Variants in ZNF609 observed in about 807,000 individuals in gnomAD.
The protein encoded by ZNF609 is zinc finger protein 609.
In ZNF609, 11 loss-of-function variants were observed where a neutral mutation model predicts 109.5. The ratio of observed to expected loss-of-function variants is 0.10; its 90% CI spans 0.06 to 0.17. ZNF609 has a LOEUF of 0.17. Ranked by LOEUF, ZNF609 falls within the 10% of genes least tolerant of loss-of-function variation. The probability of loss-of-function intolerance (pLI) is 1.00; values close to 1 mark genes in which losing one functional copy is unlikely to be tolerated. For synonymous variants in ZNF609, 646 were observed against 662.0 expected (o/e 0.98, Z 0.37); for missense variants, 1,559 against 1,772.4 (o/e 0.88, Z 2.16).
At chr15:64,469,794 C>T (rs540415180) in intron 1 of ZNF609, among the ~76,000 whole-genome samples, 7 of 152,100 alleles carry the variant, frequency 4.6e-5, no homozygotes, top group South Asian at 2.1e-4. Context: ...TTTGGGAGGC[C>T]GAGGCGGGTG....
chr15:64,666,747 C>G (rs887536952), intron 3 of ZNF609, among the ~76,000 whole-genome samples: 2 of 152,140 alleles, frequency 1.3e-5, no homozygotes, highest in South Asian at 2.1e-4. Flanking sequence ...GACCCCTGAC[C>G]TCAAGTGATC....
chr15:64,478,035 G>A (rs181038352), intron 1 of ZNF609, among the ~76,000 whole-genome samples: 1 of 152,228 alleles, frequency 6.6e-6, no homozygotes, highest in African/African-American at 2.4e-5. Flanking sequence ...GATATATTGG[G>A]ACCCATTTAC....
chr15:64,465,739 T>C (rs1451356232), intron 1 of ZNF609, among the ~76,000 whole-genome samples: 2 of 152,046 alleles, frequency 1.3e-5, no homozygotes, highest in African/African-American at 4.8e-5. Context: ...TTCCCTGACA[T>C]TGACATTAAC....
At chr15:64,526,053 G>A (rs1194291607) in intron 2 of ZNF609, among the ~76,000 whole-genome samples, 1 of 150,404 alleles carries the variant, frequency 6.6e-6, no homozygotes, top group Non-Finnish European at 1.5e-5. Context: ...GCCTCCCAAA[G>A]TGCCGGGATT....
chr15:64,680,577 G>A (rs1031538455), intron 7 of ZNF609, 69 bp from the exon 8 acceptor site: 10 of 1,343,350 alleles, frequency 7.4e-6, no homozygotes, highest in Non-Finnish European at 1.0e-5. Context: ...GTGTGTGTGT[G>A]TGTGTGTGTG....
intron 2 of ZNF609, among the ~76,000 whole-genome samples, chr15:64,622,106 C>G (rs769332252): frequency 2.6e-5 from 4 of 152,140 alleles, no homozygotes; most frequent in Non-Finnish European, 5.9e-5. Context: ...GTGGCAACAG[C>G]ACCTCCTGTT....
chr15:64,502,062 G>A (rs1893570111), intron 2 of ZNF609: 1 of 152,210 alleles, frequency 6.6e-6, no homozygotes, highest in Non-Finnish European at 1.5e-5. Flanking sequence ...GCCTCCCAGG[G>A]AGACTCTGAG....
chr15:64,609,146 T>C (rs1595737818), intron 2 of ZNF609, among the ~76,000 whole-genome samples: 1 of 124,652 alleles, frequency 8.0e-6, no homozygotes, highest in Admixed American at 8.5e-5. Context: ...CTTTCTTTTT[T>C]TTCTCTCTCT....
chr15:64,630,292 G>A (rs894259458), intron 3 of ZNF609, among the ~76,000 whole-genome samples: 2 of 151,198 alleles, frequency 1.3e-5, no homozygotes, highest in Non-Finnish European at 2.9e-5. Context: ...GGCTGGTCTC[G>A]AACTCCTGAC....
At chr15:64,488,957 G>A (rs534973740) in intron 1 of ZNF609, among the ~76,000 whole-genome samples, 18 of 151,832 alleles carry the variant, frequency 1.2e-4, no homozygotes, top group Admixed American at 1.0e-3. Context: ...AATTAGCCGG[G>A]TATGGTGGTG....
At chr15:64,597,934 A>G (rs753025918) in intron 2 of ZNF609, among the ~76,000 whole-genome samples, 3 of 152,192 alleles carry the variant, frequency 2.0e-5, no homozygotes, top group South Asian at 2.1e-4. Context: ...AGCCTTCACT[A>G]TGTATATAAA....
chr15:64,544,480 AGCAGATTTAT>A (rs1894324297), intron 2 of ZNF609, among the ~76,000 whole-genome samples: 1 of 152,254 alleles, frequency 6.6e-6, no homozygotes, highest in African/African-American at 2.4e-5. Context: ...GTTTTTGCTA[AGCAGATTTAT>A]GCAGAATGTG....
At chr15:64,472,298 G>A (rs1204030699) in intron 1 of ZNF609, among the ~76,000 whole-genome samples, 1 of 152,338 alleles carries the variant, frequency 6.6e-6, no homozygotes, top group African/African-American at 2.4e-5. Context: ...TGGGTACCAC[G>A]AAACCTTTGG....
rs769822268 is a variant in ZNF609, at chr15:64,627,553, A to G, written c.973+4501A>G. Among the ~76,000 whole-genome samples the G allele has an allele frequency of 6.6e-5, 10 of 151,786 alleles. 1 individual carries two copies. The highest frequency in any genetic ancestry group is 1.5e-4 in the Non-Finnish European group (10 of 67,968). Reference sequence around the variant, plus strand: ...CTTCTATATCTCTGCCACTATCATTATGACCTTGGAAAAATCCCTTAATTT... The same window carrying G: ...CTTCTATATCTCTGCCACTATCATTGTGACCTTGGAAAAATCCCTTAATTT... On this transcript the variant is annotated intron_variant, in intron 3 of 9. Transcript: ENST00000326648.
intron 2 of ZNF609, among the ~76,000 whole-genome samples, chr15:64,584,393 C>T (rs1036697023): frequency 2.6e-5 from 4 of 152,064 alleles, no homozygotes; most frequent in Non-Finnish European, 5.9e-5. Context: ...AGTCCAGTGG[C>T]GTGATCTCTA....
At chr15:64,613,649 C>G (rs1021721718) in intron 2 of ZNF609, among the ~76,000 whole-genome samples, 1 of 151,994 alleles carries the variant, frequency 6.6e-6, no homozygotes, top group African/African-American at 2.4e-5. Context: ...CTGCCGGGTT[C>G]AAGGGATTCT....
At chr15:64,524,107 TATTC>T (rs1466288026) in intron 2 of ZNF609, among the ~76,000 whole-genome samples, 1 of 152,034 alleles carries the variant, frequency 6.6e-6, no homozygotes, top group Non-Finnish European at 1.5e-5. Flanking sequence ...GTTTATACTA[TATTC>T]ACAAACTGTG....
intron 2 of ZNF609, among the ~76,000 whole-genome samples, chr15:64,509,582 G>C (rs935449058): frequency 1.3e-5 from 2 of 152,188 alleles, no homozygotes; most frequent in African/African-American, 4.8e-5. Flanking sequence ...TTCCAAGAAG[G>C]CTTCAGGGAG....
chr15:64,669,145 G>A (rs1896691040), intron 3 of ZNF609, among the ~76,000 whole-genome samples: 1 of 152,046 alleles, frequency 6.6e-6, no homozygotes, highest in Admixed American at 6.6e-5. Flanking sequence ...GAGGCAATTT[G>A]GAGGTGGTTT....
Sources: allele counts gnomAD v4.1 joint callset (sites outside exome capture counted in the v4.1 genomes callset), GRCh38; gene constraint gnomAD v4.1.1; transcripts MANE v1.5; gene names NCBI Gene and HGNC (gene_info 2026-07-23, HGNC 2026-07-21).